The following ADAMTS17 variants were observed in gnomAD, a reference collection of about 807,000 sequenced individuals.
The protein encoded by ADAMTS17 is A disintegrin and metalloproteinase with thrombospondin motifs 17.
ADAMTS17 carries 113 observed loss-of-function variants against 141.5 expected under a neutral mutation model. The ratio of observed to expected loss-of-function variants is 0.80; its 90% CI spans 0.69 to 0.93. The LOEUF (loss-of-function observed/expected upper bound fraction) is 0.93, where lower values mean the gene tolerates loss of function less well. Ranked by LOEUF, ADAMTS17 falls within the 40% of genes least tolerant of loss-of-function variation. ADAMTS17 has a pLI of 0.00. For missense variants in ADAMTS17, 1,659 were observed against 1,517.9 expected, an observed-to-expected ratio of 1.09 and a Z score of -1.54; for synonymous variants, 768 against 630.6, an observed-to-expected ratio of 1.22 and a Z score of -3.27.
intron 4 of ADAMTS17, among the ~76,000 whole-genome samples, chr15:100,274,086 T>G (rs1056600701): frequency 6.6e-6 from 1 of 152,234 alleles, no homozygotes; most frequent in Non-Finnish European, 1.5e-5. Context: ...GAGACTTAAT[T>G]TGTGACCTAA....
intron 6 of ADAMTS17, among the ~76,000 whole-genome samples, chr15:100,258,932 G>A (rs537960206): frequency 5.4e-4 from 82 of 151,838 alleles, no homozygotes; most frequent in South Asian, 5.2e-3. Flanking sequence ...CAGTCATCTT[G>A]GTGACATTTA....
In ADAMTS17 at chr15:99,977,388, ATATATATATATAAT is replaced by A. The variant is rs2060378326; in HGVS notation, c.2950-1180_2950-1167del. On this transcript the variant is annotated intron_variant, in intron 20 of 21. Coordinates refer to ENST00000268070, the MANE Select transcript of ADAMTS17 (RefSeq NM_139057.4). The stretch of plus-strand genomic sequence containing the variant: ...TATATATATATATATATATATATAT[ATATATATATATAAT>A]TTTTTTTTTTTTTTTTTTTTTTTTT... Among the ~76,000 whole-genome samples the A allele has an allele frequency of 2.0e-4, 2 of 9,880 alleles. 1 individual carries two copies. Among genetic ancestry groups the A allele is most frequent in the African/African-American group, 8.3e-4 (2 of 2,410 alleles). 6.5% of individuals were successfully genotyped at this position (9,880 alleles called of 152,430 possible). A position where few individuals can be genotyped will look rare whatever the true frequency, so the allele number is the denominator to read the frequency against.
chr15:100,160,141 C>T (rs1319318959), intron 8 of ADAMTS17, among the ~76,000 whole-genome samples: 2 of 152,224 alleles, frequency 1.3e-5, no homozygotes, highest in East Asian at 3.8e-4. Context: ...CATTATCTTA[C>T]TTTGAGAAAT....
Position 100,331,085 on chromosome 15 carries a change from C to T in ADAMTS17, c.451-31G>A, listed in dbSNP as rs376379961. On this transcript the variant is annotated intron_variant, in intron 2 of 21. Coordinates refer to ENST00000268070, the MANE Select transcript of ADAMTS17 (RefSeq NM_139057.4). ...CAGAAAGGAGAAGGAAACGCGATGT[C>T]GGTCATCCTCACTCACACACGCCCA... 104 of 1,613,456 alleles carry T rather than the reference C, an allele frequency of 6.4e-5. No homozygotes were observed. In the Middle Eastern group the frequency reaches 3.5e-3, roughly 54 times the overall value.
At chr15:100,210,393 C>T (rs2141712115) in intron 7 of ADAMTS17, among the ~76,000 whole-genome samples, 1 of 152,306 alleles carries the variant, frequency 6.6e-6, no homozygotes, top group African/African-American at 2.4e-5. Context: ...ATTTTATCCA[C>T]ACCACCACTT....
chr15:100,039,662 T>A (rs150572867), intron 18 of ADAMTS17, among the ~76,000 whole-genome samples: 42 of 152,354 alleles, frequency 2.8e-4, no homozygotes, highest in Non-Finnish European at 5.3e-4. Flanking sequence ...TGGCCTAGTG[T>A]ATGATCTATT....
chr15:100,105,446 G>C (rs2036357656), intron 14 of ADAMTS17, among the ~76,000 whole-genome samples: 1 of 152,178 alleles, frequency 6.6e-6, no homozygotes, highest in Non-Finnish European at 1.5e-5. Context: ...CCTGGGGATG[G>C]AGTGACATCT....
At chr15:100,150,450 T>C (rs2039107321) in intron 10 of ADAMTS17, among the ~76,000 whole-genome samples, 1 of 152,162 alleles carries the variant, frequency 6.6e-6, no homozygotes, top group African/African-American at 2.4e-5. Context: ...TCTTAGCTTC[T>C]ATATTCTCAT....
intron 20 of ADAMTS17, chr15:99,976,675 A>T: frequency 1.2e-5 from 3 of 244,322 alleles, no homozygotes; most frequent in Non-Finnish European, 2.4e-5. Flanking sequence ...AGGGAAAGAG[A>T]CCCGAGCTTG....
At chr15:100,188,788 T>A (rs2141577535) in intron 8 of ADAMTS17, among the ~76,000 whole-genome samples, 1 of 152,092 alleles carries the variant, frequency 6.6e-6, no homozygotes, top group African/African-American at 2.4e-5. Context: ...CAGCTGACAA[T>A]CCCTGAAAGC....
At chr15:100,119,288 G>A (rs1253831129) in intron 12 of ADAMTS17, among the ~76,000 whole-genome samples, 1 of 152,088 alleles carries the variant, frequency 6.6e-6, no homozygotes, top group Admixed American at 6.6e-5. Context: ...GGAAACTAAG[G>A]AACCGGACGA....
intron 14 of ADAMTS17, among the ~76,000 whole-genome samples, chr15:100,102,043 G>A (rs545078570): frequency 3.9e-5 from 6 of 152,262 alleles, no homozygotes; most frequent in South Asian, 2.1e-4. Context: ...TCTGCAGAAC[G>A]CATGCATGGA....
intron 7 of ADAMTS17, among the ~76,000 whole-genome samples, chr15:100,212,304 C>A (rs2041834948): frequency 6.6e-6 from 1 of 152,144 alleles, no homozygotes; most frequent in Admixed American, 6.5e-5. Context: ...GAATGTACAG[C>A]AAGCCTGGGA....
chr15:100,242,227 T>C (rs995622416), intron 7 of ADAMTS17, among the ~76,000 whole-genome samples: 1 of 152,210 alleles, frequency 6.6e-6, no homozygotes, highest in Non-Finnish European at 1.5e-5. Context: ...TCGGCATGAC[T>C]GACCTTGCTC....
chr15:100,187,799 C>T (rs550327183), intron 8 of ADAMTS17, among the ~76,000 whole-genome samples: 4 of 152,292 alleles, frequency 2.6e-5, no homozygotes, highest in Admixed American at 1.3e-4. Flanking sequence ...AAAGCACAGT[C>T]GCTCACATCT....
chr15:100,323,782 G>C (rs966913240), intron 3 of ADAMTS17, among the ~76,000 whole-genome samples: 1 of 151,690 alleles, frequency 6.6e-6, no homozygotes, highest in Non-Finnish European at 1.5e-5. Flanking sequence ...ATGACTGTGA[G>C]TGATAAATGC....
At chr15:99,994,855 C>T (rs1254200673) in intron 19 of ADAMTS17, among the ~76,000 whole-genome samples, 2 of 152,242 alleles carry the variant, frequency 1.3e-5, no homozygotes, top group Non-Finnish European at 2.9e-5. Flanking sequence ...CGAGCCATTG[C>T]GCCTCGCAGC....
At chr15:100,013,906 A>C (rs1487448151) in intron 18 of ADAMTS17, among the ~76,000 whole-genome samples, 1 of 152,140 alleles carries the variant, frequency 6.6e-6, no homozygotes, top group Non-Finnish European at 1.5e-5. Flanking sequence ...CATAGAATGA[A>C]TGAGGGAGGG....
At chr15:100,235,680 G>A (rs141744982) in intron 7 of ADAMTS17, among the ~76,000 whole-genome samples, 1,647 of 152,246 alleles carry the variant, frequency 0.011, 16 homozygotes, top group Non-Finnish European at 0.016. Context: ...CATTCGCTTC[G>A]GGGAGCTCTC....
Sources: allele counts gnomAD v4.1 joint callset (sites outside exome capture counted in the v4.1 genomes callset), GRCh38; gene constraint gnomAD v4.1.1; transcripts MANE v1.5; gene names NCBI Gene and HGNC (gene_info 2026-07-23, HGNC 2026-07-21).